The following NFIA variants were observed in gnomAD, a reference collection of about 807,000 sequenced individuals.
The protein encoded by NFIA is nuclear factor 1 A-type.
NFIA carries 8 observed loss-of-function variants against 62.8 expected under a neutral mutation model. The ratio of observed to expected loss-of-function variants is 0.13; its 90% CI spans 0.07 to 0.23. NFIA has a LOEUF of 0.23. NFIA is among the 10% of genes least tolerant of loss of function. The pLI is 1.00. For missense variants in NFIA, 410 were observed against 642.1 expected (o/e 0.64, Z 3.91); for synonymous variants, 235 against 238.1 (o/e 0.99, Z 0.12).
chr1:61,263,212 A>G (rs1363077428), intron 2 of NFIA, among the ~76,000 whole-genome samples: 2 of 152,224 alleles, frequency 1.3e-5, no homozygotes, highest in Non-Finnish European at 2.9e-5. Flanking sequence ...TTCCAAAGGA[A>G]ATGTCTGTAG....
intron 2 of NFIA, among the ~76,000 whole-genome samples, chr1:61,185,878 C>T (rs1462249934): frequency 2.0e-5 from 3 of 152,078 alleles, no homozygotes; most frequent in African/African-American, 7.2e-5. Context: ...ATACTAATAA[C>T]AGTCTGAAAT....
At chr1:61,132,971 C>T (rs1053762006) in intron 2 of NFIA, 7 of 152,140 alleles carry the variant, frequency 4.6e-5, no homozygotes, top group Non-Finnish European at 8.8e-5. Context: ...CTTTTTAAGA[C>T]TGTGCTTTGT....
intron 2 of NFIA, among the ~76,000 whole-genome samples, chr1:61,223,194 A>G (rs1235388678): frequency 6.6e-6 from 1 of 152,082 alleles, no homozygotes; most frequent in Non-Finnish European, 1.5e-5. Context: ...TTCACTATTT[A>G]AAGAACATTT....
chr1:61,403,046 G>A (rs1047119017), intron 7 of NFIA, among the ~76,000 whole-genome samples: 1 of 152,182 alleles, frequency 6.6e-6, no homozygotes, highest in African/African-American at 2.4e-5. Flanking sequence ...GTCATTCTTG[G>A]TATTGGAAAG....
chr1:61,265,189 T>C lies in NFIA; in HGVS notation c.560-12331T>C, dbSNP rs137987252. On this transcript the variant is annotated intron_variant, in intron 2 of 10. Transcript: ENST00000403491. ...CCTTTTAGCATGTTCCACTGTTCCA[T>C]AGTATAAAGATACACAGAACTTGAT... Among the ~76,000 whole-genome samples, 688 of 152,334 alleles carry C rather than the reference T, an allele frequency of 4.5e-3. 12 individuals carry two copies. Among genetic ancestry groups the C allele is most frequent in the African/African-American group, 0.016 (664 of 41,568 alleles).
At chr1:61,322,482 G>A (rs1317318727) in intron 3 of NFIA, among the ~76,000 whole-genome samples, 2 of 152,142 alleles carry the variant, frequency 1.3e-5, no homozygotes, top group East Asian at 1.9e-4. Flanking sequence ...GTGTGTGCCT[G>A]CATGGTAGAA....
At chr1:61,145,224 G>C (rs892886741) in intron 2 of NFIA, among the ~76,000 whole-genome samples, 1 of 152,164 alleles carries the variant, frequency 6.6e-6, no homozygotes, top group African/African-American at 2.4e-5. Context: ...CTTAAGCACA[G>C]TAGGAACACG....
At chr1:61,435,485 C>T (rs1051089268) in intron 10 of NFIA, among the ~76,000 whole-genome samples, 1 of 152,166 alleles carries the variant, frequency 6.6e-6, no homozygotes, top group Non-Finnish European at 1.5e-5. Flanking sequence ...TATGCTGCCT[C>T]TTCAGCCTCA....
Position 61,404,260 on chromosome 1 carries a change from C to T in NFIA, c.1232C>T (p.Ala411Val), listed in dbSNP as rs758837290. ...GTCTGCCCTGATGCTGGTCAGCAGGCTGGACAGGTGGGGTTCCTCAATGTA... is the reference window on the plus strand; with the variant it reads ...GTCTGCCCTGATGCTGGTCAGCAGGTTGGACAGGTGGGGTTCCTCAATGTA... Reference protein sequence around the residue: ...QLVCPDAGQQAGQVGFLNPNG... With the variant: ...QLVCPDAGQQVGQVGFLNPNG... The change falls in exon 8 of 11, where the codon GCT becomes GTT. Residue 411 changes from alanine to valine, a missense_variant. Physicochemically the swap from Ala to Val is moderately conservative, Grantham distance 64. This residue lies in a region of NFIA where 298 missense variants were observed against 438.1 expected (regional missense o/e 0.68). Coordinates refer to ENST00000403491, the MANE Select transcript of NFIA (RefSeq NM_001134673.4). 5.0e-6 allele frequency: 8 copies of T among 1,613,500 alleles called. No individual in the cohort carries two copies. The African/African-American group carries it at 1.1e-4, about 22-fold the overall frequency.
chr1:61,089,695 CTTTTTTTTTTT>C (rs918196815), intron 2 of NFIA, among the ~76,000 whole-genome samples: 1 of 107,748 alleles, frequency 9.3e-6, no homozygotes, highest in African/African-American at 3.5e-5. Flanking sequence ...GTTTTTTTTT[CTTTTTTTTTTT>C]TTTTTTTTAC....
At chr1:61,257,137 A>G (rs1484889757) in intron 2 of NFIA, among the ~76,000 whole-genome samples, 4 of 151,984 alleles carry the variant, frequency 2.6e-5, no homozygotes, top group Non-Finnish European at 5.9e-5. Context: ...GGAAAACCCA[A>G]TATCCTTAGC....
At chr1:61,242,552 A>G (rs767649312) in intron 2 of NFIA, among the ~76,000 whole-genome samples, 2 of 152,180 alleles carry the variant, frequency 1.3e-5, no homozygotes, top group Non-Finnish European at 2.9e-5. Flanking sequence ...AGTTTGAAGA[A>G]TGACCTAGAA....
intron 2 of NFIA, among the ~76,000 whole-genome samples, chr1:61,201,956 A>G (rs1366868682): frequency 2.6e-5 from 4 of 152,180 alleles, no homozygotes; most frequent in African/African-American, 9.6e-5. Context: ...CTTAAAAAAA[A>G]AACACTCAGA....
chr1:61,185,521 G>T (rs538780550), intron 2 of NFIA, among the ~76,000 whole-genome samples: 1 of 151,864 alleles, frequency 6.6e-6, no homozygotes, highest in Non-Finnish European at 1.5e-5. Flanking sequence ...ACTCTTCTGC[G>T]TAAGAACCTC....
chr1:61,099,133 C>T (rs1646466666), intron 2 of NFIA, among the ~76,000 whole-genome samples: 1 of 152,174 alleles, frequency 6.6e-6, no homozygotes, highest in Non-Finnish European at 1.5e-5. Context: ...CTAGAAAGGT[C>T]AGAGGTTTCA....
intron 3 of NFIA, among the ~76,000 whole-genome samples, chr1:61,311,789 A>G (rs1196966626): frequency 6.6e-6 from 1 of 152,218 alleles, no homozygotes; most frequent in East Asian, 1.9e-4. Flanking sequence ...CACATTATGG[A>G]ATGATCTTCA....
intron 2 of NFIA, among the ~76,000 whole-genome samples, chr1:61,146,597 A>T (rs1419966635): frequency 6.6e-6 from 1 of 152,006 alleles, no homozygotes; most frequent in Non-Finnish European, 1.5e-5. Context: ...GCCTTCCTGA[A>T]TTTTCCTGGG....
intron 2 of NFIA, among the ~76,000 whole-genome samples, chr1:61,237,544 TAAAC>T (rs892696414): frequency 1.8e-4 from 28 of 152,208 alleles, no homozygotes; most frequent in African/African-American, 5.8e-4. Context: ...TAAAAGCAAG[TAAAC>T]AAACAAATAA....
intron 2 of NFIA, among the ~76,000 whole-genome samples, chr1:61,111,760 T>G (rs546793317): frequency 1.3e-5 from 2 of 152,178 alleles, no homozygotes. Flanking sequence ...CAGCAGTTAA[T>G]GTCCGTTACT....
Sources: gnomAD v4.1 joint callset for allele counts (sites outside exome capture counted in the v4.1 genomes callset) on GRCh38, gnomAD v4.1.1 for gene constraint, gnomAD v4.1.1 regional missense constraint, MANE v1.5 for transcripts, NCBI Gene and HGNC (gene_info 2026-07-23, HGNC 2026-07-21) for gene names.